Variants in IL4I1 observed in about 807,000 individuals in gnomAD.
IL4I1 encodes the protein L-amino-acid oxidase.
IL4I1 carries 24 observed loss-of-function variants against 29.7 expected under a neutral mutation model. That is an observed-to-expected ratio of 0.81 (90% CI 0.59 to 1.14). The LOEUF (loss-of-function observed/expected upper bound fraction) is 1.14, where lower values mean the gene tolerates loss of function less well. Ranked by LOEUF, IL4I1 falls within the 50% of genes most tolerant of loss-of-function variation. The probability of loss-of-function intolerance (pLI) is 0.00; values close to 1 mark genes in which losing one functional copy is unlikely to be tolerated. For synonymous variants in IL4I1, 371 were observed against 352.5 expected (o/e 1.05, Z -0.59); for missense variants, 686 against 785.6 (o/e 0.87, Z 1.52).
chr19:49,926,614 C>T (rs1053087188), intron 2 of IL4I1, among the ~76,000 whole-genome samples: 15 of 152,156 alleles, frequency 9.9e-5, no homozygotes, highest in Non-Finnish European at 1.8e-4. Flanking sequence ...ACCGGCGGGG[C>T]GGGGGAGATA....
chr19:49,891,268 C>T lies in IL4I1; in HGVS notation c.636+137G>A, dbSNP rs1180898694. On this transcript the variant is annotated intron_variant, in intron 6 of 7. Transcript: ENST00000391826. Reference sequence around the variant, plus strand: ...GGGAAACGGAGGTCCAGACAGGGGGCGTGTCCAGCCCCCGGGTCAGGCAGG... The same window carrying T: ...GGGAAACGGAGGTCCAGACAGGGGGTGTGTCCAGCCCCCGGGTCAGGCAGG... 2.9e-6 allele frequency: 4 copies of T among 1,392,212 alleles called. No individual in the cohort carries two copies. In the African/African-American group the frequency reaches 4.3e-5, roughly 15 times the overall value. 86.2% of individuals were successfully genotyped at this position (1,392,212 alleles called of 1,614,324 possible). A position where few individuals can be genotyped will look rare whatever the true frequency, so the allele number is the denominator to read the frequency against.
intron 7 of IL4I1, 43 bp downstream of exon 7, chr19:49,890,928 T>TTCCCCC: frequency 3.2e-6 from 2 of 633,206 alleles, no homozygotes; most frequent in South Asian, 2.4e-5. Flanking sequence ...TTTCCCTGAT[T>TTCCCCC]GCCCCCCGCC....
chr19:49,915,432 C>G (rs2075599254), intron 2 of IL4I1, among the ~76,000 whole-genome samples: 1 of 152,182 alleles, frequency 6.6e-6, no homozygotes, highest in African/African-American at 2.4e-5. Flanking sequence ...GCGGCTTCGG[C>G]CTCTAGAGCT....
At chr19:49,897,201 ACT>A (rs1296052866), upstream of IL4I1, among the ~76,000 whole-genome samples, 4 of 151,716 alleles carry the variant, frequency 2.6e-5, no homozygotes, top group Admixed American at 1.3e-4. Context: ...CCTCCCCTGC[ACT>A]CTCTCTGCCT....
At chr19:49,896,636 G>T (rs906423483) in intron 1 of IL4I1, among the ~76,000 whole-genome samples, 199 bp downstream of exon 1, 22 of 152,130 alleles carry the variant, frequency 1.4e-4, no homozygotes, top group African/African-American at 5.1e-4. Flanking sequence ...GTTTCGCCAT[G>T]TTGGCCAGGC....
chr19:49,928,594 T>C (rs549356633), intron 1 of IL4I1: 3 of 152,150 alleles, frequency 2.0e-5, no homozygotes, highest in Non-Finnish European at 4.4e-5. Flanking sequence ...ATCGTCTTAT[T>C]TGAGTCTCAT....
intron 2 of IL4I1, among the ~76,000 whole-genome samples, chr19:49,923,970 C>G (rs1374554855): frequency 6.6e-6 from 1 of 152,254 alleles, no homozygotes; most frequent in Non-Finnish European, 1.5e-5. Context: ...AAACTCGGAG[C>G]CTTTTCCATC....
At chr19:49,910,155 A>G (rs924420903) in intron 2 of IL4I1, among the ~76,000 whole-genome samples, 3 of 152,140 alleles carry the variant, frequency 2.0e-5, no homozygotes, top group Admixed American at 6.5e-5. Context: ...GCGGGAGAAC[A>G]GGACCTTGGA....
intron 5 of IL4I1, among the ~76,000 whole-genome samples, chr19:49,892,202 C>A (rs961310090): frequency 1.3e-5 from 2 of 151,972 alleles, no homozygotes; most frequent in Non-Finnish European, 2.9e-5. Context: ...CCACCTCACC[C>A]TCCCAAGTAG....
At chr19:49,912,346 T>C (rs2075490594) in intron 2 of IL4I1, among the ~76,000 whole-genome samples, 1 of 152,142 alleles carries the variant, frequency 6.6e-6, no homozygotes. Flanking sequence ...TTTTTGTATT[T>C]TTAGTAGAGA....
intron 2 of IL4I1, among the ~76,000 whole-genome samples, chr19:49,920,754 C>T (rs1004316691): frequency 6.6e-6 from 1 of 152,226 alleles, no homozygotes; most frequent in African/African-American, 2.4e-5. Context: ...GTTGGCGGTG[C>T]AGGCACAGGA....
intron 2 of IL4I1, chr19:49,908,504 T>C: frequency 6.2e-7 from 1 of 1,614,132 alleles, no homozygotes; most frequent in Non-Finnish European, 8.5e-7. Context: ...CTCAGCCAGC[T>C]TGTAGGTTTT....
rs368073112 is a variant in IL4I1, at chr19:49,912,017, C to T, written c.-227-7696G>A. Among the ~76,000 whole-genome samples the T allele has an allele frequency of 2.9e-4, 44 of 152,336 alleles. 3 individuals are homozygous for T. The South Asian group carries it at 6.8e-3, about 24-fold the overall frequency. On this transcript the variant is annotated intron_variant, in intron 2 of 9. Coordinates refer to the IL4I1 transcript ENST00000341114. ...GCAGCTACACCTACACATCTCAGTT[C>T]TCAAGAACTCAGCTTAAAAAAGCTT...
chr19:49,926,850 A>G (rs2075903696), intron 2 of IL4I1, among the ~76,000 whole-genome samples: 1 of 130,622 alleles, frequency 7.7e-6, no homozygotes, highest in Non-Finnish European at 1.6e-5. Flanking sequence ...CCTAAGAAGT[A>G]GGTACTTTTT....
chr19:49,921,114 G>A lies in IL4I1; in HGVS notation c.-228+6580C>T, dbSNP rs372661061. Among the ~76,000 whole-genome samples, 11 of 152,216 alleles carry A rather than the reference G, an allele frequency of 7.2e-5. No individual in the cohort carries two copies. In the East Asian group the frequency reaches 7.7e-4, roughly 11 times the overall value. ...ACCCACATTTCATGGCATTTCTCAC[G>A]CGCTGGGCTGTTTCCAGGGCTTCAC... is the stretch of plus-strand genomic sequence containing the variant. On this transcript the variant is annotated intron_variant, in intron 2 of 9. Coordinates refer to the IL4I1 transcript ENST00000341114. This position sits in a 1 kb window ranked among gnomAD's most constrained non-coding sequence, Gnocchi z 5.4.
At chr19:49,914,836 T>C (rs2075583771) in intron 2 of IL4I1, among the ~76,000 whole-genome samples, 1 of 140,004 alleles carries the variant, frequency 7.1e-6, no homozygotes, top group African/African-American at 2.6e-5. Context: ...GCCTCCCGGG[T>C]TCAAGCAATT....
intron 2 of IL4I1, among the ~76,000 whole-genome samples, chr19:49,922,113 GT>G (rs536219495): frequency 7.9e-5 from 12 of 152,330 alleles, no homozygotes; most frequent in African/African-American, 2.6e-4. Context: ...GCTGCTGGCT[GT>G]TTCTCAACTA....
rs2075761784 is a variant in IL4I1 at position 49,921,383 on chromosome 19, A to C, written c.-228+6311T>G. 6.6e-6 allele frequency among the ~76,000 whole-genome samples: 1 copy of C among 151,880 alleles called. No individual in the cohort carries two copies. Among genetic ancestry groups the C allele is most frequent in the South Asian group, 2.1e-4 (1 of 4,800 alleles). On this transcript the variant is annotated intron_variant, in intron 2 of 9. Transcript: ENST00000341114. This position sits in a 1 kb window ranked among gnomAD's most constrained non-coding sequence, Gnocchi z 5.4. ...CACCACCATCACCGTCCCCTGCCTC[A>C]TCCAGTCCCCCTTCCCATTCTCCAG...
In IL4I1 at chr19:49,890,053, C is replaced by T. The variant is rs974930487; in HGVS notation, c.1321G>A (p.Val441Ile). Residue 441 changes from valine (V) to isoleucine (I), a missense_variant, in exon 8 of 8, where the codon GTC becomes ATC. Transcript: ENST00000391826. ...TGCTGGTCCTCCGCCCAACGCTTGA[C>T]GACGCCGGTGCCGTCCCAGAGCTGG... is the stretch of plus-strand genomic sequence containing the variant. ...VRQLWDGTGV[V>I]KRWAEDQHSQ... 2.6e-6 allele frequency: 4 copies of T among 1,550,326 alleles called. No homozygotes were observed. In the East Asian group the frequency reaches 7.3e-5, roughly 28 times the overall value.
Sources: gnomAD v4.1 joint callset for allele counts (sites outside exome capture counted in the v4.1 genomes callset) on GRCh38, gnomAD v4.1.1 for gene constraint, Gnocchi (gnomAD v3.1) non-coding constraint, MANE v1.5 for transcripts, NCBI Gene and HGNC (gene_info 2026-07-23, HGNC 2026-07-21) for gene names.